CYP20A1: variants seen among roughly 807,000 people sequenced by gnomAD.
CYP20A1 encodes the protein cytochrome P450 family 20 subfamily A member 1.
Under a neutral mutation model 61.4 loss-of-function variants are expected in CYP20A1, and 61 were observed. The observed-to-expected ratio is 0.99, with a 90% CI of 0.81 to 1.23. The LOEUF is 1.23. Ranked by LOEUF, CYP20A1 falls within the 50% of genes most tolerant of loss-of-function variation. The pLI, the probability that CYP20A1 is intolerant of heterozygous loss-of-function variation, is 0.00. For missense variants in CYP20A1, 530 were observed against 542.4 expected (o/e 0.98, Z 0.23); for synonymous variants, 193 against 188.2 (o/e 1.03, Z -0.21).
At chr2:203,278,929 C>T (rs1327825172) in intron 7 of CYP20A1, among the ~76,000 whole-genome samples, 1 of 152,106 alleles carries the variant, frequency 6.6e-6, no homozygotes, top group African/African-American at 2.4e-5. Flanking sequence ...AGTTCAGTGG[C>T]TTAAGAGAAG....
intron 1 of CYP20A1, among the ~76,000 whole-genome samples, chr2:203,242,201 G>T (rs57188568): frequency 0.038 from 5,730 of 152,108 alleles, 354 homozygotes; most frequent in African/African-American, 0.13. Context: ...GCCCAGGCTG[G>T]TCTCGAACTT....
intron 6 of CYP20A1, among the ~76,000 whole-genome samples, chr2:203,273,540 C>CA (rs1206508484): frequency 6.6e-6 from 1 of 152,166 alleles, no homozygotes; most frequent in Non-Finnish European, 1.5e-5. Context: ...CAGCACATGC[C>CA]TGTAGTCCCA....
intron 8 of CYP20A1, among the ~76,000 whole-genome samples, chr2:203,280,721 A>G (rs1178264666): frequency 6.6e-6 from 1 of 152,062 alleles, no homozygotes; most frequent in African/African-American, 2.4e-5. Context: ...CAAAAATAAA[A>G]CACTGTTTAG....
At chr2:203,289,692 G>T (rs1173304073) in intron 9 of CYP20A1, 73 bp from the exon 10 acceptor site, 3 of 699,826 alleles carry the variant, frequency 4.3e-6, no homozygotes, top group Non-Finnish European at 7.1e-6. Flanking sequence ...GTTGAAGAAC[G>T]TTTTTTAAAT....
chr2:203,296,681 G>A (rs1162850687), intron 12 of CYP20A1, 77 bp from the exon 13 acceptor site: 1 of 1,475,608 alleles, frequency 6.8e-7, no homozygotes, highest in African/African-American at 1.4e-5. Flanking sequence ...TTAAGTTCTG[G>A]GGTTCATGTG....
At chr2:203,274,719 C>T (rs2067743404) in intron 6 of CYP20A1, among the ~76,000 whole-genome samples, 1 of 151,434 alleles carries the variant, frequency 6.6e-6, no homozygotes, top group African/African-American at 2.4e-5. Flanking sequence ...TAGTGATTTT[C>T]TTGGTCCAAC....
At chr2:203,264,556 A>G (rs2067254445) in intron 4 of CYP20A1, among the ~76,000 whole-genome samples, 1 of 152,016 alleles carries the variant, frequency 6.6e-6, no homozygotes, top group Non-Finnish European at 1.5e-5. Context: ...GGACTAGTAT[A>G]TAGTTGTATT....
intron 4 of CYP20A1, among the ~76,000 whole-genome samples, chr2:203,258,873 C>T (rs1472054503): frequency 6.6e-6 from 1 of 152,178 alleles, no homozygotes; most frequent in Non-Finnish European, 1.5e-5. Flanking sequence ...CAGAATCTTC[C>T]TATTCTGCTT....
Position 203,247,487 on chromosome 2 carries a change from C to T in CYP20A1, c.289+566C>T, listed in dbSNP as rs185360429. 9.0e-4 allele frequency among the ~76,000 whole-genome samples: 137 copies of T among 151,454 alleles called. 1 individual carries two copies. The highest frequency in any genetic ancestry group is 2.8e-3 in the African/African-American group (117 of 41,292). On this transcript the variant is annotated intron_variant, in intron 3 of 12. Transcript: ENST00000356079. ...AATTCCAACAGGATTTTTTTGGGAC[C>T]CTGAAAAAATAGTTCCAAGGTATAT...
intron 4 of CYP20A1, among the ~76,000 whole-genome samples, chr2:203,264,452 C>T (rs1374678305): frequency 6.6e-6 from 1 of 152,064 alleles, no homozygotes; most frequent in African/African-American, 2.4e-5. Flanking sequence ...ATATTAACTC[C>T]ACTAGCTTTC....
chr2:203,259,799 C>T (rs1387901973), intron 4 of CYP20A1: 2 of 151,268 alleles, frequency 1.3e-5, no homozygotes, highest in Non-Finnish European at 2.9e-5. Flanking sequence ...AGAAGAATCG[C>T]TTGAACCTGG....
At chr2:203,279,666 A>G (rs965839974) in intron 7 of CYP20A1, among the ~76,000 whole-genome samples, 3 of 152,188 alleles carry the variant, frequency 2.0e-5, no homozygotes, top group Non-Finnish European at 4.4e-5. Flanking sequence ...CTTCTGTCCT[A>G]TTTCTGAGGC....
rs1404869003 is a variant in CYP20A1 at position 203,239,061 on chromosome 2, C to T, written c.-2C>T. 1.9e-6 allele frequency: 3 copies of T among 1,613,570 alleles called. No individual in the cohort carries two copies. The highest frequency in any genetic ancestry group is 1.1e-5 in the South Asian group (1 of 91,076). On this transcript the variant is annotated 5_prime_UTR_variant, in exon 1 of 13. Coordinates refer to ENST00000356079, the MANE Select transcript of CYP20A1 (RefSeq NM_177538.3). ...AGACGTGGCTCCCTGGGCGGCAGAA[C>T]CATGTTGGACTTCGCGATCTTCGCC...
At position 203,293,214 on chromosome 2, in the gene CYP20A1, C is replaced by CTTTTTTTTTT. The variant is rs575058733; in HGVS notation, c.1148+889_1148+890insTTTTTTTTTT. ...ATTTTTAAAAAAGCAGAATTTCTCT[C>CTTTTTTTTTT]TCTTTTTTTTTTTTTTTTTGAGATG... On this transcript the variant is annotated intron_variant, in intron 11 of 12. Transcript: ENST00000356079. Among the ~76,000 whole-genome samples, 2 of 128,910 alleles carry CTTTTTTTTTT rather than the reference C, an allele frequency of 1.6e-5. 1 individual carries two copies. The highest frequency in any genetic ancestry group is 3.2e-5 in the Non-Finnish European group (2 of 62,470). The allele number at this position is 128,910 out of a possible 152,430, so 84.6% of individuals were successfully genotyped here. A position where few individuals can be genotyped will look rare whatever the true frequency, so the allele number is the denominator to read the frequency against.
rs1295647170 is a variant in CYP20A1, at chr2:203,305,181, G to C, written c.*8273G>C. ...CTACTCCCAATTTAATTGGTTTACA[G>C]TTCGGTGGCTGTCTTTTTTTTTTTT... On this transcript the variant is annotated 3_prime_UTR_variant, in exon 13 of 13. Transcript: ENST00000356079. Among the ~76,000 whole-genome samples the C allele has an allele frequency of 7.0e-6, 1 of 143,294 alleles. No individual in the cohort carries two copies. The highest frequency in any genetic ancestry group is 7.1e-5 in the Admixed American group (1 of 14,050). The allele number at this position is 143,294 out of a possible 152,430, so 94.0% of individuals were successfully genotyped here.
At chr2:203,286,746 C>G (rs536016709) in intron 9 of CYP20A1, among the ~76,000 whole-genome samples, 2 of 152,016 alleles carry the variant, frequency 1.3e-5, no homozygotes, top group Non-Finnish European at 2.9e-5. Context: ...GTTGTAGTTA[C>G]GCAATTGTAT....
In CYP20A1 at chr2:203,301,150, T is replaced by G. The variant is rs2069003507; in HGVS notation, c.*4242T>G. Among the ~76,000 whole-genome samples the G allele has an allele frequency of 6.9e-6, 1 of 144,062 alleles. No individual in the cohort carries two copies. Among genetic ancestry groups the G allele is most frequent in the African/African-American group, 2.6e-5 (1 of 38,850 alleles). 94.5% of individuals were successfully genotyped at this position (144,062 alleles called of 152,430 possible). On this transcript the variant is annotated 3_prime_UTR_variant, in exon 13 of 13. Transcript: ENST00000356079. Reference sequence around the variant, plus strand: ...GGGGAAGGTTGTGGTGAGCCAAGATTGCACCATTGCACTCCAGCCTGGGCA... The same window carrying G: ...GGGGAAGGTTGTGGTGAGCCAAGATGGCACCATTGCACTCCAGCCTGGGCA...
chr2:203,286,819 CTTAAT>C (rs902049887), intron 9 of CYP20A1, among the ~76,000 whole-genome samples: 113 of 152,028 alleles, frequency 7.4e-4, no homozygotes, highest in African/African-American at 2.4e-3. Flanking sequence ...ATAACTATAC[CTTAAT>C]TTAATTTTTT....
At chr2:203,256,565 G>A (rs1438010701) in intron 4 of CYP20A1, among the ~76,000 whole-genome samples, 4 of 151,840 alleles carry the variant, frequency 2.6e-5, no homozygotes, top group Admixed American at 2.0e-4. Context: ...CGCCATGTTA[G>A]TCAGTTTGGT....
Sources: allele counts gnomAD v4.1 joint callset (sites outside exome capture counted in the v4.1 genomes callset), GRCh38; gene constraint gnomAD v4.1.1; transcripts MANE v1.5; gene names NCBI Gene and HGNC (gene_info 2026-07-23, HGNC 2026-07-21).